Variants in DUSP4 observed in about 807,000 individuals in gnomAD.
The protein encoded by DUSP4 is dual specificity phosphatase 4, also known as dual specificity protein phosphatase 4.
DUSP4 carries 12 observed loss-of-function variants against 27.2 expected under a neutral mutation model. That is an observed-to-expected ratio of 0.44 (90% confidence interval 0.28 to 0.71). The LOEUF (loss-of-function observed/expected upper bound fraction) is 0.71, where lower values mean the gene tolerates loss of function less well. Ranked by LOEUF, DUSP4 falls within the 30% of genes least tolerant of loss-of-function variation. The pLI is 0.14. For missense variants in DUSP4, 448 were observed against 551.3 expected, an observed-to-expected ratio of 0.81 and a Z score of 1.88; for synonymous variants, 257 against 245.2, an observed-to-expected ratio of 1.05 and a Z score of -0.45.
At chr8:29,346,748 T>A (rs1303909145) in intron 1 of DUSP4, among the ~76,000 whole-genome samples, 1 of 152,242 alleles carries the variant, frequency 6.6e-6, no homozygotes, top group East Asian at 1.9e-4. Context: ...ACTTTCTTGA[T>A]ATTAAGCGAA....
In DUSP4 at chr8:29,350,041, A is replaced by G. The variant is rs765694403; in HGVS notation, c.238T>C (p.Ser80Pro). The change falls in exon 1 of 4, where the codon TCC becomes CCC. Residue 80 changes from serine to proline, a missense_variant. Ser to Pro is a moderately conservative substitution (Grantham distance 74). Transcript: ENST00000240100. Reference sequence around the variant, plus strand: ...GGCAGGATCTGCTCCAGGCTCACGGAGCCCTTAGCCCGCCGCCGCACGATG... The same window carrying G: ...GGCAGGATCTGCTCCAGGCTCACGGGGCCCTTAGCCCGCCGCCGCACGATG... ...NTIVRRRAKG[S>P]VSLEQILPAE... 5.6e-6 allele frequency: 9 copies of G among 1,595,206 alleles called. No individual in the cohort carries two copies. Among genetic ancestry groups the G allele is most frequent in the Middle Eastern group, 1.7e-4 (1 of 6,044 alleles).
At chr8:29,341,124 C>T (rs755320428) in intron 1 of DUSP4, among the ~76,000 whole-genome samples, 18 of 152,294 alleles carry the variant, frequency 1.2e-4, no homozygotes, top group Non-Finnish European at 2.1e-4. Context: ...TTCCAATCCA[C>T]AGTGCTATCA....
chr8:29,338,151 T>A, intron 3 of DUSP4, 131 bp downstream of exon 3: 2 of 908,388 alleles, frequency 2.2e-6, no homozygotes, highest in Non-Finnish European at 3.4e-6. Flanking sequence ...GCCTTCCCAA[T>A]GAGGAAGAGG....
At chr8:29,339,839 C>CCA (rs1817631138) in intron 2 of DUSP4, among the ~76,000 whole-genome samples, 1 of 139,384 alleles carries the variant, frequency 7.2e-6, no homozygotes, top group Non-Finnish European at 1.6e-5. Context: ...CCCCCCCCCC[C>CCA]CATCTCTACC....
chr8:29,347,334 C>T (rs116253216), intron 1 of DUSP4, among the ~76,000 whole-genome samples: 1,590 of 152,276 alleles, frequency 0.01, 24 homozygotes, highest in African/African-American at 0.036. Flanking sequence ...TCCTTCTGAC[C>T]TCTCTAGGGA....
In DUSP4 at chr8:29,337,289, C is replaced by G. The variant is rs1276207916; in HGVS notation, c.922G>C (p.Glu308Gln). ...KKRVRLEEAFEFVKQRRSIIS... is the reference protein window; with the variant it reads ...KKRVRLEEAFQFVKQRRSIIS... The stretch of plus-strand genomic sequence containing the variant: ...ATGCTGCGGCGCTGCTTAACGAACT[C>G]GAAGGCCTCCTCCAGCCTCACCCGT... The change falls in exon 4 of 4, where the codon GAG becomes CAG. Residue 308 changes from glutamate (E) to glutamine (Q), a missense_variant. Glu to Gln is a conservative substitution (Grantham distance 29). This residue lies in a region of DUSP4 where 100 missense variants were observed against 139.8 expected (regional missense o/e 0.72). Transcript: ENST00000240100. This position sits in a 1 kb window ranked among gnomAD's most constrained non-coding sequence, Gnocchi z 6.4. 6.2e-7 allele frequency: 1 copy of G among 1,613,312 alleles called. No homozygotes were observed. Among genetic ancestry groups the G allele is most frequent in the Non-Finnish European group, 8.5e-7 (1 of 1,180,008 alleles).
At chr8:29,348,098 C>T (rs1817761598) in intron 1 of DUSP4, 1 of 985,594 alleles carries the variant, frequency 1.0e-6, no homozygotes, top group Non-Finnish European at 1.2e-6. Flanking sequence ...AATCCAGACT[C>T]CACGTGGGGC....
chr8:29,345,289 T>C, intron 1 of DUSP4: 1 of 1,536,842 alleles, frequency 6.5e-7, no homozygotes, highest in Non-Finnish European at 8.9e-7. Flanking sequence ...TTGGGAACTC[T>C]ACTTTATGTG....
chr8:29,348,616 G>C (rs1490620910), intron 1 of DUSP4: 1 of 985,384 alleles, frequency 1.0e-6, no homozygotes, highest in Non-Finnish European at 1.2e-6. Flanking sequence ...GGGCGAACCC[G>C]GCTCCTCCGC....
Position 29,350,583 on chromosome 8 carries a change from G to T in DUSP4, c.-305C>A, listed in dbSNP as rs1041532580. ...AGGACCGCGGACTCTTTTCGGCGAC[G>T]GCCTCCCGTGTATTTTTGCCGGTCG... is the stretch of plus-strand genomic sequence containing the variant. On this transcript the variant is annotated 5_prime_UTR_variant, in exon 1 of 4. Coordinates refer to ENST00000240100, the MANE Select transcript of DUSP4 (RefSeq NM_001394.7). 2.9e-6 allele frequency: 1 copy of T among 349,144 alleles called. No homozygotes were observed. Among genetic ancestry groups the T allele is most frequent in the African/African-American group, 2.1e-5 (1 of 47,006 alleles). 21.6% of individuals were successfully genotyped at this position (349,144 alleles called of 1,614,324 possible). A position where few individuals can be genotyped will look rare whatever the true frequency, so the allele number is the denominator to read the frequency against.
chr8:29,348,855 A>C, intron 1 of DUSP4: 3 of 953,780 alleles, frequency 3.1e-6, no homozygotes, highest in Non-Finnish European at 2.5e-6. Context: ...AATGCGCGGA[A>C]TGCGGCGGCG....
chr8:29,350,085 A>C lies in DUSP4; in HGVS notation c.194T>G (p.Val65Gly). 6.2e-7 allele frequency: 1 copy of C among 1,607,502 alleles called. No homozygotes were observed. The highest frequency in any genetic ancestry group is 8.5e-7 in the Non-Finnish European group (1 of 1,178,254). The change falls in exon 1 of 4, where the codon GTC becomes GGC. Residue 65 changes from valine to glycine, a missense_variant. This residue lies in a region of DUSP4 where 345 missense variants were observed against 394.0 expected (regional missense o/e 0.88). Transcript: ENST00000240100. ...CACGATGGTGTTACAGCGCACGTTG[A>C]CCGAACCTAGGATGTAGCCCGCGCT... ...AHSAGYILGS[V>G]NVRCNTIVRR...
rs1047834705 is a variant in DUSP4 at position 29,346,074 on chromosome 8, G to T, written c.433+3772C>A. On this transcript the variant is annotated intron_variant, in intron 1 of 3. Transcript: ENST00000240100. ...TGAAGACAGAGAGAGCAATGGTGGG[G>T]CTAGAGAGAGAAAAAACAGAAAAAT... The T allele has an allele frequency of 3.0e-5, 30 of 985,416 alleles. No individual in the cohort carries two copies. In the African/African-American group the frequency reaches 5.1e-4, roughly 17 times the overall value. The allele number at this position is 985,416 out of a possible 1,614,324, so 61.0% of individuals were successfully genotyped here.
intron 1 of DUSP4, among the ~76,000 whole-genome samples, chr8:29,343,126 C>T (rs478459): frequency 0.07 from 10,223 of 145,796 alleles, 1,188 homozygotes; most frequent in African/African-American, 0.25. Context: ...CGAGATCGCG[C>T]CACTGCATTC....
At chr8:29,344,706 G>A (rs569209) in intron 1 of DUSP4, among the ~76,000 whole-genome samples, 44,270 of 152,114 alleles carry the variant, frequency 0.29, 7,002 homozygotes, top group East Asian at 0.6. Flanking sequence ...TCCCTTGCAG[G>A]AGTAGGAGAT....
chr8:29,346,221 T>C (rs1817733080), intron 1 of DUSP4: 2 of 285,738 alleles, frequency 7.0e-6, no homozygotes, highest in African/African-American at 2.3e-5. Flanking sequence ...CCCTGGGCTA[T>C]TGGATGCTAT....
At position 29,350,254 on chromosome 8, in the gene DUSP4, C is replaced by G; in HGVS notation, c.25G>C (p.Glu9Gln). The change falls in exon 1 of 4, where the codon GAG becomes CAG. Residue 9 changes from glutamate (E) to glutamine (Q), a missense_variant. By Grantham distance (29) the Glu-to-Gln change is conservative (BLOSUM62 2). Around this residue, in one of 3 missense-constraint regions of DUSP4, gnomAD observed 345 missense variants for 394.0 expected, o/e 0.88. Coordinates refer to ENST00000240100, the MANE Select transcript of DUSP4 (RefSeq NM_001394.7). ...CTTTTGAGCACACTGCAGTCCATCTCCCGCAGCTCCTCCATCGTCACCATG... is the reference window on the plus strand; with the variant it reads ...CTTTTGAGCACACTGCAGTCCATCTGCCGCAGCTCCTCCATCGTCACCATG... Reference protein sequence around the residue: MVTMEELREMDCSVLKRLM... With the variant: MVTMEELRQMDCSVLKRLM... 6.3e-7 allele frequency: 1 copy of G among 1,592,160 alleles called. No homozygotes were observed.
chr8:29,340,141 A>G lies in DUSP4; in HGVS notation c.536T>C (p.Leu179Ser), dbSNP rs1178444566. The G allele has an allele frequency of 6.2e-7, 1 of 1,604,058 alleles. No individual in the cohort carries two copies. The highest frequency in any genetic ancestry group is 1.1e-5 in the South Asian group (1 of 89,260). ...CCCACAGGAGCTGCAGCCCAGGTCC[A>G]AGGGCTCTGTGGCACTGGGGGGAAC... ...PPVPPSATEP[L>S]DLGCSSCGTP... Residue 179 changes from leucine (L) to serine (S), a missense_variant, in exon 2 of 4, where the codon TTG (leucine) becomes TCG (serine). Physicochemically the swap from Leu to Ser is moderately radical, Grantham distance 145. Transcript: ENST00000240100.
At chr8:29,341,787 G>C (rs999158175) in intron 1 of DUSP4, among the ~76,000 whole-genome samples, 1 of 152,196 alleles carries the variant, frequency 6.6e-6, no homozygotes, top group Non-Finnish European at 1.5e-5. Flanking sequence ...GGAAATATCT[G>C]TCTGCAGCTG....
Sources: gnomAD v4.1 joint callset for allele counts (sites outside exome capture counted in the v4.1 genomes callset) on GRCh38, gnomAD v4.1.1 for gene constraint, gnomAD v4.1.1 regional missense constraint, Gnocchi (gnomAD v3.1) non-coding constraint, MANE v1.5 for transcripts, NCBI Gene and HGNC (gene_info 2026-07-23, HGNC 2026-07-21) for gene names.